SOX6: variants seen among roughly 807,000 people sequenced by gnomAD.
The protein encoded by SOX6 is transcription factor SOX-6.
SOX6 carries 11 observed loss-of-function variants against 97.8 expected under a neutral mutation model. That is an observed-to-expected ratio of 0.11 (90% CI 0.07 to 0.19). The LOEUF (loss-of-function observed/expected upper bound fraction) is 0.19, where lower values mean the gene tolerates loss of function less well. Ranked by LOEUF, SOX6 falls within the 10% of genes least tolerant of loss-of-function variation. SOX6 has a pLI of 1.00. For missense variants in SOX6, 810 were observed against 1,039.5 expected, an observed-to-expected ratio of 0.78 and a Z score of 3.04; for synonymous variants, 360 against 371.4, an observed-to-expected ratio of 0.97 and a Z score of 0.35.
upstream of SOX6, among the ~76,000 whole-genome samples, chr11:16,477,723 A>G (rs1439028323): frequency 1.3e-5 from 2 of 152,174 alleles, no homozygotes; most frequent in Admixed American, 6.5e-5. Flanking sequence ...AGATTGATAG[A>G]TGATAAAGGT....
rs528181799 is a variant in SOX6, at chr11:16,499,296, C to T, written n.610-22908G>A. Among the ~76,000 whole-genome samples, 860 of 152,158 alleles carry T rather than the reference C, an allele frequency of 5.7e-3. 6 individuals carry two copies. Among genetic ancestry groups the T allele is most frequent in the Non-Finnish European group, 9.0e-3 (614 of 68,004 alleles). On this transcript the variant is annotated intron_variant and non_coding_transcript_variant, in intron 4 of 5. Coordinates refer to the SOX6 transcript ENST00000524520. ...ACACAACATACCAGAATCTCTGGGA[C>T]ACATTCAAAGCAGTGTGTAGAGGGA...
chr11:16,037,758 C>A (rs1211315717), intron 12 of SOX6, among the ~76,000 whole-genome samples: 2 of 152,198 alleles, frequency 1.3e-5, no homozygotes, highest in Non-Finnish European at 2.9e-5. Context: ...CTCGCCCATT[C>A]TTTATTTAAA....
intron 4 of SOX6, among the ~76,000 whole-genome samples, chr11:16,482,938 A>T (rs1366755838): frequency 2.6e-5 from 4 of 152,186 alleles, no homozygotes; most frequent in Non-Finnish European, 5.9e-5. Context: ...TACTAATATC[A>T]TTTGGTGCCA....
At chr11:16,087,478 T>C (rs921003624) in intron 9 of SOX6, among the ~76,000 whole-genome samples, 1 of 152,164 alleles carries the variant, frequency 6.6e-6, no homozygotes, top group Non-Finnish European at 1.5e-5. Context: ...GGCAGACTTA[T>C]ATACTATTAA....
chr11:16,136,687 C>T (rs1477231800), intron 6 of SOX6, among the ~76,000 whole-genome samples: 1 of 152,212 alleles, frequency 6.6e-6, no homozygotes, highest in Non-Finnish European at 1.5e-5. Context: ...CCTCCTGCCT[C>T]AGCCTCCTAC....
rs906748883 is a variant in SOX6, at chr11:16,093,099, C to T, written c.1101+2897G>A. ...AAGCAGCAGTATAATACATTGTTTA[C>T]TGTAGCAAGTGCTCTCTGTTCTCTA... On this transcript the variant is annotated intron_variant, in intron 9 of 15. Coordinates refer to ENST00000683767, the MANE Select transcript of SOX6 (RefSeq NM_001367873.1). 1.2e-4 allele frequency among the ~76,000 whole-genome samples: 19 copies of T among 152,072 alleles called. 1 individual carries two copies. Among genetic ancestry groups the T allele is most frequent in the Admixed American group, 9.2e-4 (14 of 15,244 alleles).
Position 16,469,992 on chromosome 11 carries a change from CACA to C in SOX6, c.-5+6320_-5+6322del, listed in dbSNP as rs1182217560. Among the ~76,000 whole-genome samples the C allele has an allele frequency of 1.1e-3, 161 of 152,172 alleles. 2 individuals are homozygous for C. Among genetic ancestry groups the C allele is most frequent in the Non-Finnish European group, 5.9e-5 (4 of 67,958 alleles). ...AAAAGCTTAAAATGTAATGGGTATA[CACA>C]TTCAGATTAGCAAACTCCTTTCAAT... On this transcript the variant is annotated intron_variant, in intron 1 of 15. Transcript: ENST00000396356.
chr11:16,103,479 A>G lies in SOX6; in HGVS notation c.899-5791T>C, dbSNP rs142353804. ...GTATGAAGAGTCCTTAAAGAACTAA[A>G]AGTAGACCTACTGTTTGATCCAGCA... On this transcript the variant is annotated intron_variant, in intron 7 of 15. Coordinates refer to ENST00000683767, the MANE Select transcript of SOX6 (RefSeq NM_001367873.1). Among the ~76,000 whole-genome samples the G allele has an allele frequency of 6.0e-3, 908 of 152,108 alleles. 15 individuals are homozygous for G. The highest frequency in any genetic ancestry group is 0.018 in the African/African-American group (741 of 41,538).
chr11:16,085,179 G>A (rs1023282227), intron 9 of SOX6, among the ~76,000 whole-genome samples: 21 of 152,164 alleles, frequency 1.4e-4, no homozygotes, highest in Admixed American at 6.5e-5. Context: ...TTCTGAGCAG[G>A]TGAACAGCAA....
chr11:16,643,284 C>G (rs1482858208), intron 3 of SOX6, among the ~76,000 whole-genome samples: 1 of 152,218 alleles, frequency 6.6e-6, no homozygotes, highest in Non-Finnish European at 1.5e-5. Flanking sequence ...AGTTTTGTCT[C>G]AGAGGGGTAC....
intron 4 of SOX6, among the ~76,000 whole-genome samples, chr11:16,553,980 G>A (rs142914191): frequency 7.2e-4 from 110 of 152,172 alleles, no homozygotes; most frequent in African/African-American, 2.5e-3. Flanking sequence ...GATGGTCAAC[G>A]CGGCAGTTTA....
At chr11:16,490,279 C>T (rs948939225) in intron 4 of SOX6, among the ~76,000 whole-genome samples, 13 of 151,934 alleles carry the variant, frequency 8.6e-5, no homozygotes, top group African/African-American at 3.1e-4. Context: ...CCAGATTGGG[C>T]TCCTTTGATA....
chr11:16,528,846 C>A (rs189017341), intron 4 of SOX6, among the ~76,000 whole-genome samples: 110 of 152,204 alleles, frequency 7.2e-4, no homozygotes, highest in African/African-American at 2.6e-3. Context: ...ATAAGAAAAG[C>A]ACTAGGGTGT....
intron 1 of SOX6, among the ~76,000 whole-genome samples, chr11:16,355,355 G>C (rs142459996): frequency 6.6e-6 from 1 of 151,866 alleles, no homozygotes; most frequent in East Asian, 1.9e-4. Context: ...GAAATGTATC[G>C]CAGAATAAAA....
At chr11:16,583,568 T>A (rs118157802) in intron 4 of SOX6, among the ~76,000 whole-genome samples, 2 of 140,498 alleles carry the variant, frequency 1.4e-5, no homozygotes, top group Admixed American at 7.4e-5. Flanking sequence ...GGATGAATAA[T>A]ATTTCATTGT....
intron 3 of SOX6, chr11:16,313,009 A>T (rs1855652392): frequency 6.6e-6 from 1 of 152,172 alleles, no homozygotes; most frequent in African/African-American, 2.4e-5. Flanking sequence ...CCAATCTATA[A>T]TACTAAATCA....
At chr11:16,074,799 C>T (rs1848313695) in intron 9 of SOX6, among the ~76,000 whole-genome samples, 1 of 152,062 alleles carries the variant, frequency 6.6e-6, no homozygotes, top group Non-Finnish European at 1.5e-5. Context: ...CTGCCAAAAG[C>T]AATTAAATAG....
chr11:16,407,855 T>C (rs1268199447), intron 1 of SOX6, among the ~76,000 whole-genome samples: 1 of 152,068 alleles, frequency 6.6e-6, no homozygotes, highest in Non-Finnish European at 1.5e-5. Flanking sequence ...GAGAAGACAT[T>C]CTTAAGAATT....
At chr11:16,399,387 T>C (rs1793362965) in intron 1 of SOX6, among the ~76,000 whole-genome samples, 1 of 150,026 alleles carries the variant, frequency 6.7e-6, no homozygotes, top group Admixed American at 6.6e-5. Flanking sequence ...AGAAACTGGG[T>C]CTCACTCTAT....
Sources: allele counts gnomAD v4.1 joint callset (sites outside exome capture counted in the v4.1 genomes callset), GRCh38; gene constraint gnomAD v4.1.1; transcripts MANE v1.5; gene names NCBI Gene and HGNC (gene_info 2026-07-23, HGNC 2026-07-21).